SAR1B: variants seen among roughly 807,000 people sequenced by gnomAD.
SAR1B encodes the protein secretion associated Ras related GTPase 1B.
A neutral mutation model predicts 26.8 loss-of-function variants in SAR1B; 23 were observed. That is an observed-to-expected ratio of 0.86 (90% confidence interval 0.62 to 1.22). The LOEUF (loss-of-function observed/expected upper bound fraction) is 1.22. Ranked by LOEUF, SAR1B falls within the 50% of genes most tolerant of loss-of-function variation. SAR1B has a pLI of 0.00. For synonymous variants in SAR1B, 65 were observed against 80.8 expected, an observed-to-expected ratio of 0.80 and a Z score of 1.05; for missense variants, 196 against 232.8, an observed-to-expected ratio of 0.84 and a Z score of 1.03.
rs1765101002 is a variant in SAR1B at position 134,604,714 on chromosome 5, A to G, written c.*2236T>C. On this transcript the variant is annotated 3_prime_UTR_variant, in exon 7 of 7. Coordinates refer to ENST00000402673, the MANE Select transcript of SAR1B (RefSeq NM_016103.4). ...GAATGAGGGTTCTGGAGCAAGATAT[A>G]TTACACCAGAAAGCATTTTTCCTGG... 1 of 152,180 alleles carries G rather than the reference A, an allele frequency of 6.6e-6. No individual in the cohort carries two copies. The highest frequency in any genetic ancestry group is 1.9e-4 in the East Asian group (1 of 5,190). 9.4% of individuals were successfully genotyped at this position (152,180 alleles called of 1,614,324 possible). A position where few individuals can be genotyped will look rare whatever the true frequency, so the allele number is the denominator to read the frequency against.
intron 3 of SAR1B, among the ~76,000 whole-genome samples, chr5:134,618,668 A>G (rs1050500303): frequency 3.9e-5 from 6 of 152,352 alleles, no homozygotes; most frequent in Non-Finnish European, 8.8e-5. Context: ...CAAATTCGTT[A>G]CATAACCTTA....
rs1170498452 is a variant in SAR1B, at chr5:134,608,353, A to T, written c.480+19T>A. On this transcript the variant is annotated intron_variant, in intron 6 of 6. Transcript: ENST00000402673. ...TGTAGAATTAAACACACCCATCATA[A>T]TTTTTTTTTTTTTTTTACCTTTCCT... 8.8e-6 allele frequency: 13 copies of T among 1,468,982 alleles called. No individual in the cohort carries two copies. Among genetic ancestry groups the T allele is most frequent in the Non-Finnish European group, 1.2e-5 (13 of 1,085,954 alleles). 91.0% of individuals were successfully genotyped at this position (1,468,982 alleles called of 1,614,324 possible). A position where few individuals can be genotyped will look rare whatever the true frequency, so the allele number is the denominator to read the frequency against.
chr5:134,618,046 A>G (rs1765343035), intron 3 of SAR1B: 1 of 152,176 alleles, frequency 6.6e-6, no homozygotes, highest in Non-Finnish European at 1.5e-5. Flanking sequence ...GGCCGGGCGC[A>G]GTGGCTGACG....
In SAR1B at chr5:134,606,158, G is replaced by A. The variant is rs1376954223; in HGVS notation, c.*792C>T. 6.6e-6 allele frequency: 1 copy of A among 152,164 alleles called. No homozygotes were observed. The highest frequency in any genetic ancestry group is 2.4e-5 in the African/African-American group (1 of 41,390). The allele number at this position is 152,164 out of a possible 1,614,324, so 9.4% of individuals were successfully genotyped here. On this transcript the variant is annotated 3_prime_UTR_variant, in exon 7 of 7. Transcript: ENST00000402673. ...TTTCTTCAGAAGGCCAATCCCACAG[G>A]GACTAGGACACAGACCCCATCAGCA...
chr5:134,605,699 C>G lies in SAR1B; in HGVS notation c.*1251G>C, dbSNP rs1447562588. The G allele has an allele frequency of 1.4e-5, 2 of 143,522 alleles. No individual in the cohort carries two copies. Among genetic ancestry groups the G allele is most frequent in the Non-Finnish European group, 3.0e-5 (2 of 65,840 alleles). 8.9% of individuals were successfully genotyped at this position (143,522 alleles called of 1,614,324 possible). A position where few individuals can be genotyped will look rare whatever the true frequency, so the allele number is the denominator to read the frequency against. On this transcript the variant is annotated 3_prime_UTR_variant, in exon 7 of 7. Transcript: ENST00000402673. Reference sequence around the variant, plus strand: ...AAAAAAAGCCCAACAAACAAAAAGTCTTTGTTGTATGGAGTAAGAACTACC... The same window carrying G: ...AAAAAAAGCCCAACAAACAAAAAGTGTTTGTTGTATGGAGTAAGAACTACC...
intron 5 of SAR1B, chr5:134,609,244 T>C: frequency 2.4e-6 from 1 of 416,402 alleles, no homozygotes; most frequent in South Asian, 2.0e-5. Flanking sequence ...TATAGCATCT[T>C]AGCATGACCA....
At chr5:134,612,824 A>G in intron 3 of SAR1B, 68 bp from the exon 4 acceptor site, 1 of 1,425,508 alleles carries the variant, frequency 7.0e-7, no homozygotes, top group Non-Finnish European at 9.7e-7. Flanking sequence ...AAAGTAAAGT[A>G]GAGGTTCCTT....
intron 1 of SAR1B, among the ~76,000 whole-genome samples, chr5:134,628,638 A>G (rs1461649854): frequency 1.3e-5 from 2 of 152,092 alleles, no homozygotes; most frequent in Non-Finnish European, 2.9e-5. Flanking sequence ...CAACATAACA[A>G]GATCCCATCT....
chr5:134,618,923 A>G (rs1765356956), intron 3 of SAR1B, among the ~76,000 whole-genome samples: 1 of 151,902 alleles, frequency 6.6e-6, no homozygotes, highest in South Asian at 2.1e-4. Flanking sequence ...GCTTGAGCCC[A>G]GGAGGCAGAG....
chr5:134,609,568 T>TA lies in SAR1B; in HGVS notation c.348+2dup, dbSNP rs1765180030. 2 of 1,610,278 alleles carry TA rather than the reference T, an allele frequency of 1.2e-6. No individual in the cohort carries two copies. The highest frequency in any genetic ancestry group is 1.7e-6 in the Non-Finnish European group (2 of 1,176,526). On this transcript the variant is annotated splice_region_variant and intron_variant, in intron 5 of 6. Transcript: ENST00000402673. ...TATATTTAGTTTCAGTTATTTAACT[T>TA]ACATCAAGTTCTTCTTTTGACTCTA...
intron 1 of SAR1B, among the ~76,000 whole-genome samples, chr5:134,630,840 C>T (rs1300927224): frequency 7.0e-6 from 1 of 143,052 alleles, no homozygotes; most frequent in Non-Finnish European, 1.5e-5. Context: ...TTGTAAGCTT[C>T]AAATGATGTG....
At chr5:134,627,965 C>T (rs78850193) in intron 1 of SAR1B, among the ~76,000 whole-genome samples, 1 of 151,572 alleles carries the variant, frequency 6.6e-6, no homozygotes, top group Non-Finnish European at 1.5e-5. Context: ...CATGGAGAAA[C>T]CCCATCTCTA....
rs991304855 is a variant in SAR1B at position 134,611,851 on chromosome 5, A to G, written c.244+840T>C. The stretch of plus-strand genomic sequence containing the variant: ...ATTTGGTTGAAGCAAAAAGAACGGG[A>G]AGGGGAATAGAGGGAAATAAAAGAA... On this transcript the variant is annotated intron_variant, in intron 4 of 6. Coordinates refer to ENST00000402673, the MANE Select transcript of SAR1B (RefSeq NM_016103.4). Among the ~76,000 whole-genome samples the G allele has an allele frequency of 2.0e-5, 3 of 151,566 alleles. No individual in the cohort carries two copies. In the East Asian group the frequency reaches 5.9e-4, roughly 30 times the overall value.
intron 1 of SAR1B, among the ~76,000 whole-genome samples, chr5:134,628,174 T>A (rs1403953688): frequency 6.6e-6 from 1 of 151,884 alleles, no homozygotes; most frequent in Non-Finnish European, 1.5e-5. Context: ...ACATATTTAG[T>A]TTGTGACCAG....
rs200422544 is a variant in SAR1B, at chr5:134,609,541, A to C, written c.348+30T>G. ...TCTGCAGGCTTACCAGAGTGATTTGACTATATTTAGTTTCAGTTATTTAAC... is the reference window on the plus strand; with the variant it reads ...TCTGCAGGCTTACCAGAGTGATTTGCCTATATTTAGTTTCAGTTATTTAAC... On this transcript the variant is annotated intron_variant, in intron 5 of 6. Transcript: ENST00000402673. 118 of 1,547,972 alleles carry C rather than the reference A, an allele frequency of 7.6e-5. 1 individual carries two copies. In the East Asian group the frequency reaches 1.8e-3, roughly 24 times the overall value.
At chr5:134,616,111 C>T (rs1163828474) in intron 3 of SAR1B, among the ~76,000 whole-genome samples, 1 of 126,258 alleles carries the variant, frequency 7.9e-6, no homozygotes, top group East Asian at 2.2e-4. Context: ...GCCTGGGCAA[C>T]AGAGCGAGAC....
At position 134,624,698 on chromosome 5, in the gene SAR1B, G is replaced by T. The variant is rs1765467621; in HGVS notation, c.-18-661C>A. On this transcript the variant is annotated intron_variant, in intron 1 of 6. Transcript: ENST00000402673. ...GCTAGAGTGCAATGGCTCGATCTCA[G>T]CTCACTGAAAGCTTCTCCTCCCAGG... Among the ~76,000 whole-genome samples the T allele has an allele frequency of 2.1e-5, 3 of 145,922 alleles. No individual in the cohort carries two copies. In the South Asian group the frequency reaches 6.7e-4, roughly 33 times the overall value.
In SAR1B at chr5:134,630,184, G is replaced by T. The variant is rs191919721; in HGVS notation, c.-19+2544C>A. 3.8e-3 allele frequency among the ~76,000 whole-genome samples: 580 copies of T among 152,036 alleles called. 1 individual carries two copies. The highest frequency in any genetic ancestry group is 4.5e-3 in the Non-Finnish European group (306 of 67,984). On this transcript the variant is annotated intron_variant, in intron 1 of 6. Coordinates refer to ENST00000402673, the MANE Select transcript of SAR1B (RefSeq NM_016103.4). Reference sequence around the variant, plus strand: ...GAAATGAGTGTAGAAGGCTGGGGGAGGTGGCTCACGCCTGTAATCCCAGCA... The same window carrying T: ...GAAATGAGTGTAGAAGGCTGGGGGATGTGGCTCACGCCTGTAATCCCAGCA...
intron 3 of SAR1B, chr5:134,613,580 A>G (rs950738636): frequency 1.7e-4 from 26 of 152,148 alleles, no homozygotes; most frequent in African/African-American, 6.3e-4. Context: ...TCCAACATTT[A>G]TTTTTCCTTC....
Sources: gnomAD v4.1 joint callset for allele counts (sites outside exome capture counted in the v4.1 genomes callset) on GRCh38, gnomAD v4.1.1 for gene constraint, MANE v1.5 for transcripts, NCBI Gene and HGNC (gene_info 2026-07-23, HGNC 2026-07-21) for gene names.